The following DACH2 variants were observed in gnomAD, a reference collection of about 807,000 sequenced individuals.
The protein encoded by DACH2 is dachshund family transcription factor 2.
DACH2 carries 17 observed loss-of-function variants against 35.8 expected under a neutral mutation model. That is an observed-to-expected ratio of 0.48 (90% CI 0.33 to 0.71). The LOEUF (loss-of-function observed/expected upper bound fraction) is 0.71, where lower values mean the gene tolerates loss of function less well. DACH2 is among the 30% of genes least tolerant of loss of function. DACH2 has a pLI of 0.02. For missense variants in DACH2, 469 were observed against 472.7 expected (o/e 0.99, Z 0.07); for synonymous variants, 195 against 177.3 (o/e 1.10, Z -0.79).
chrX:86,725,000 C>T (rs1453576242), intron 6 of DACH2, among the ~76,000 whole-genome samples: 1 of 104,027 alleles, frequency 9.6e-6, no homozygotes, highest in East Asian at 3.0e-4. Context: ...ATATATCCTT[C>T]AATGAACTTT....
At chrX:86,768,552 C>T (rs1185565665) in intron 7 of DACH2, among the ~76,000 whole-genome samples, 1 of 111,670 alleles carries the variant, frequency 9.0e-6, no homozygotes, top group Non-Finnish European at 1.9e-5. Context: ...GCCACTTACA[C>T]TTATTATCAT....
At chrX:86,181,268 G>A (rs771429277) in intron 1 of DACH2, among the ~76,000 whole-genome samples, 1 of 109,859 alleles carries the variant, frequency 9.1e-6, no homozygotes, top group Non-Finnish European at 1.9e-5. Context: ...CACATGCCAT[G>A]GTGGTTTGCT....
At chrX:86,409,342 A>G (rs2036574051) in intron 2 of DACH2, among the ~76,000 whole-genome samples, 1 of 111,190 alleles carries the variant, frequency 9.0e-6, no homozygotes, top group Admixed American at 9.6e-5. Flanking sequence ...ATTGATACTG[A>G]TGTAGTTTGG....
At chrX:86,412,828 G>T (rs1230886463) in intron 2 of DACH2, among the ~76,000 whole-genome samples, 7 of 111,703 alleles carry the variant, frequency 6.3e-5, no homozygotes, top group African/African-American at 2.3e-4. Flanking sequence ...TGGCAGAGTA[G>T]CTTCTACAGC....
In DACH2 at chrX:86,568,882, G is replaced by C. The variant is rs146304363; in HGVS notation, c.640+54491G>C. On this transcript the variant is annotated intron_variant, in intron 3 of 11. Coordinates refer to ENST00000373125, the MANE Select transcript of DACH2 (RefSeq NM_053281.3). ...CCCACAGTTATGGAGACATTGATTT[G>C]GGAAGAAATTCGTTACGTCTGTCTT... Among the ~76,000 whole-genome samples the C allele has an allele frequency of 4.5e-5, 5 of 111,247 alleles. 1 individual carries two copies. In the East Asian group the frequency reaches 1.4e-3, roughly 32 times the overall value.
At chrX:86,677,043 G>C (rs1321891129) in intron 4 of DACH2, among the ~76,000 whole-genome samples, 1 of 111,418 alleles carries the variant, frequency 9.0e-6, no homozygotes, top group African/African-American at 3.3e-5. Flanking sequence ...AATATCAACG[G>C]AGATACTGCA....
intron 3 of DACH2, among the ~76,000 whole-genome samples, chrX:86,534,924 T>C (rs1345810866): frequency 2.7e-5 from 3 of 111,894 alleles, no homozygotes; most frequent in Admixed American, 9.5e-5. Context: ...TAAATTTTAA[T>C]TTATCTTATC....
chrX:86,340,856 C>T lies in DACH2; in HGVS notation c.489-35968C>T, dbSNP rs190684417. Among the ~76,000 whole-genome samples the T allele has an allele frequency of 5.2e-3, 588 of 112,184 alleles. 4 individuals carry two copies. The highest frequency in any genetic ancestry group is 0.018 in the African/African-American group (559 of 30,941). ...AAGATCAGATCAGCCACAACATTTT[C>T]TTAAGCCAAAGCCTAATCCAGAGCA... On this transcript the variant is annotated intron_variant, in intron 1 of 11. Coordinates refer to ENST00000373125, the MANE Select transcript of DACH2 (RefSeq NM_053281.3).
Position 86,190,067 on chromosome X carries a change from G to A in DACH2, c.488+40959G>A, listed in dbSNP as rs980556765. ...TAATCCCAGCTACTTGGGAGGTTGA[G>A]GCATGAAAATCACTTGAACCTGGGA... On this transcript the variant is annotated intron_variant, in intron 1 of 11. Coordinates refer to ENST00000373125, the MANE Select transcript of DACH2 (RefSeq NM_053281.3). Among the ~76,000 whole-genome samples the A allele has an allele frequency of 1.0e-4, 11 of 109,246 alleles. No individual in the cohort carries two copies. The Admixed American group carries it at 1.1e-3, about 11-fold the overall frequency. 94.9% of individuals were successfully genotyped at this position (109,246 alleles called of 115,157 possible).
At chrX:86,576,512 C>T (rs944760625) in intron 3 of DACH2, among the ~76,000 whole-genome samples, 4 of 111,235 alleles carry the variant, frequency 3.6e-5, no homozygotes, top group South Asian at 3.7e-4. Context: ...TTACTGCAAA[C>T]GATTATTTCC....
At chrX:86,366,361 T>A (rs2035806693) in intron 1 of DACH2, among the ~76,000 whole-genome samples, 1 of 111,326 alleles carries the variant, frequency 9.0e-6, no homozygotes, top group Non-Finnish European at 1.9e-5. Context: ...TCTGTGGAAC[T>A]GTTAGGCAAA....
intron 2 of DACH2, among the ~76,000 whole-genome samples, chrX:86,508,928 TAGTG>T (rs1842873153): frequency 8.9e-6 from 1 of 111,742 alleles, no homozygotes; most frequent in African/African-American, 3.2e-5. Context: ...AATTCAGTAT[TAGTG>T]AGAGAAAGAA....
At chrX:86,808,645 CAA>C (rs56053664) in intron 7 of DACH2, among the ~76,000 whole-genome samples, 4,518 of 85,224 alleles carry the variant, frequency 0.053, 250 homozygotes, top group African/African-American at 0.17. Context: ...ATGACATTGC[CAA>C]AAAAAAAAAA....
chrX:86,611,183 G>T (rs943433260), intron 3 of DACH2, among the ~76,000 whole-genome samples: 5 of 110,787 alleles, frequency 4.5e-5, no homozygotes, highest in African/African-American at 1.6e-4. Flanking sequence ...GTTTCCTTTT[G>T]GCTCAGGATA....
At chrX:86,186,144 G>A (rs989371303) in intron 1 of DACH2, among the ~76,000 whole-genome samples, 1 of 112,467 alleles carries the variant, frequency 8.9e-6, no homozygotes, top group African/African-American at 3.2e-5. Context: ...AAACTAATAT[G>A]TTTACTAAAA....
At chrX:86,320,477 T>G (rs1602400200) in intron 1 of DACH2, among the ~76,000 whole-genome samples, 1 of 112,322 alleles carries the variant, frequency 8.9e-6, no homozygotes, top group East Asian at 2.8e-4. Flanking sequence ...AAGGGCAGTT[T>G]TTCAACTGGA....
At chrX:86,399,072 T>C (rs1258166664) in intron 2 of DACH2, among the ~76,000 whole-genome samples, 1 of 111,977 alleles carries the variant, frequency 8.9e-6, no homozygotes, top group East Asian at 2.8e-4. Flanking sequence ...GGTCCTCCTG[T>C]ATTGGGTGCA....
At chrX:86,796,177 A>T (rs189129602) in intron 7 of DACH2, among the ~76,000 whole-genome samples, 2 of 111,312 alleles carry the variant, frequency 1.8e-5, no homozygotes, top group Admixed American at 1.9e-4. Context: ...GCTGCTTGGT[A>T]CGTTTACAAA....
intron 1 of DACH2, among the ~76,000 whole-genome samples, chrX:86,361,964 G>C (rs1434889598): frequency 9.0e-6 from 1 of 110,892 alleles, no homozygotes; most frequent in African/African-American, 3.3e-5. Context: ...TTGTTATTTT[G>C]ACAGTTACAA....
Sources: gnomAD v4.1 joint callset for allele counts (sites outside exome capture counted in the v4.1 genomes callset) on GRCh38, gnomAD v4.1.1 for gene constraint, MANE v1.5 for transcripts, NCBI Gene and HGNC (gene_info 2026-07-23, HGNC 2026-07-21) for gene names.